Variants in BAZ2A observed in about 807,000 individuals in gnomAD.
BAZ2A encodes the protein bromodomain adjacent to zinc finger domain protein 2A.
A neutral mutation model predicts 199.9 loss-of-function variants in BAZ2A; 34 were observed. That is an observed-to-expected ratio of 0.17 (90% confidence interval 0.13 to 0.23). The LOEUF is 0.23. Ranked by LOEUF, BAZ2A falls within the 10% of genes least tolerant of loss-of-function variation. The pLI is 1.00. For missense variants in BAZ2A, 2,002 were observed against 2,391.1 expected (o/e 0.84, Z 3.39); for synonymous variants, 857 against 883.9 (o/e 0.97, Z 0.54).
chr12:56,604,950 A>C, intron 14 of BAZ2A, 123 bp downstream of exon 14: 1 of 1,402,730 alleles, frequency 7.1e-7, no homozygotes, highest in Non-Finnish European at 9.5e-7. Context: ...AAAATAAAGA[A>C]AAATAAAATA....
chr12:56,611,275 A>T (rs1339522298), intron 7 of BAZ2A: 4 of 491,358 alleles, frequency 8.1e-6, no homozygotes, highest in Non-Finnish European at 1.5e-5. Flanking sequence ...AGGACAAGCC[A>T]GCTGGTTTGG....
chr12:56,635,066 T>C, upstream of BAZ2A: 1 of 981,602 alleles, frequency 1.0e-6, no homozygotes, highest in Non-Finnish European at 1.2e-6. This position sits in a 1 kb window ranked among gnomAD's most constrained non-coding sequence, Gnocchi z 4.1. Context: ...GAGGAGGTGG[T>C]GCTTAAAGGG....
Position 56,603,708 on chromosome 12 carries a change from T to C in BAZ2A, c.3039-8A>G, listed in dbSNP as rs1245935905. The stretch of plus-strand genomic sequence containing the variant: ...GCCAGAACAGTTTTCAGCCTTGAAA[T>C]AGATGGAGAAAGATTAAGGGAAGGC... On this transcript the variant is annotated splice_region_variant and splice_polypyrimidine_tract_variant and intron_variant, in intron 16 of 28. Coordinates refer to ENST00000549884, the MANE Select transcript of BAZ2A (RefSeq NM_001300905.2). 17 of 1,613,606 alleles carry C rather than the reference T, an allele frequency of 1.1e-5. No individual in the cohort carries two copies. The East Asian group carries it at 2.2e-4, about 21-fold the overall frequency.
At position 56,603,571 on chromosome 12, in the gene BAZ2A, T is replaced by C. The variant is rs1247915882; in HGVS notation, c.3168A>G (p.Glu1056=). Residue 1056 remains glutamate (E), a synonymous_variant, in exon 17 of 29, where the codon GAA becomes GAG. Coordinates refer to ENST00000549884, the MANE Select transcript of BAZ2A (RefSeq NM_001300905.2). The part of the protein sequence containing the change: ...EETSGMEEEE[E]EESIAAVPGR... ...CAGGGACAGCTGCTATAGACTCCTC[T>C]TCTTCCTCTTCTTCCATGCCACTGG... The C allele has an allele frequency of 1.2e-6, 2 of 1,613,978 alleles. No individual in the cohort carries two copies. Among genetic ancestry groups the C allele is most frequent in the African/African-American group, 1.3e-5 (1 of 75,046 alleles).
chr12:56,635,258 G>A (rs1951420947), upstream of BAZ2A, among the ~76,000 whole-genome samples: 6 of 152,092 alleles, frequency 3.9e-5, no homozygotes. The surrounding 1 kb of genome is among the most constrained non-coding windows in gnomAD (Gnocchi z 4.1). Context: ...ATGGTGGTAG[G>A]TCCGAAAGGA....
intron 1 of BAZ2A, among the ~76,000 whole-genome samples, chr12:56,622,542 T>C (rs1159603782): frequency 6.6e-6 from 1 of 152,134 alleles, no homozygotes; most frequent in Non-Finnish European, 1.5e-5. Flanking sequence ...CCTAGGTTTA[T>C]TTCATTTTAA....
At chr12:56,608,712 G>A (rs1490658869) in intron 10 of BAZ2A, among the ~76,000 whole-genome samples, 1 of 151,662 alleles carries the variant, frequency 6.6e-6, no homozygotes, top group African/African-American at 2.4e-5. Flanking sequence ...TGGGATTACA[G>A]GCATGCGCCA....
chr12:56,599,038 C>G, intron 27 of BAZ2A, 27 bp from the exon 28 acceptor site: 1 of 1,608,078 alleles, frequency 6.2e-7, no homozygotes, highest in Non-Finnish European at 8.5e-7. Context: ...AATGATGGCT[C>G]CATCTCAGGA....
intron 1 of BAZ2A, among the ~76,000 whole-genome samples, chr12:56,620,680 C>T (rs1950892146): frequency 6.6e-6 from 1 of 151,870 alleles, no homozygotes; most frequent in South Asian, 2.1e-4. Flanking sequence ...CTGCCTCAGC[C>T]TCCCCAGCAG....
chr12:56,630,009 G>A, intron 1 of BAZ2A, 116 bp downstream of exon 1: 4 of 777,264 alleles, frequency 5.1e-6, no homozygotes, highest in Non-Finnish European at 6.3e-6. Flanking sequence ...AGCTCCCGTC[G>A]GCTTCCCGCC....
At chr12:56,636,051 C>G (rs1951441342) in intron 1 of BAZ2A, 1 of 1,153,738 alleles carries the variant, frequency 8.7e-7, no homozygotes, top group Non-Finnish European at 1.2e-6. Flanking sequence ...CTGTGCCCCC[C>G]GTCCCCCAGA....
rs1434061612 is a variant in BAZ2A at position 56,597,584 on chromosome 12, C to CACACACACACACACA, written c.*1033_*1034insTGTGTGTGTGTGTGT. 4.9e-5 allele frequency: 1 copy of CACACACACACACACA among 20,456 alleles called. No homozygotes were observed. The highest frequency in any genetic ancestry group is 1.9e-4 in the Non-Finnish European group (1 of 5,354). 1.3% of individuals were successfully genotyped at this position (20,456 alleles called of 1,614,324 possible). A position where few individuals can be genotyped will look rare whatever the true frequency, so the allele number is the denominator to read the frequency against. On this transcript the variant is annotated 3_prime_UTR_variant, in exon 29 of 29. Coordinates refer to ENST00000549884, the MANE Select transcript of BAZ2A (RefSeq NM_001300905.2). ...CACGCACACACACACACACACACAG[C>CACACACACACACACA]GCGCGCTCTGAGGCTGACACACACA...
exon 1 of BAZ2A, chr12:56,636,267 G>C: frequency 1.3e-6 from 2 of 1,553,002 alleles, no homozygotes; most frequent in South Asian, 2.4e-5. Context: ...GGTTGGTGTT[G>C]GATCCTCCCA....
intron 1 of BAZ2A, 181 bp downstream of exon 1, chr12:56,629,944 C>T (rs1455226064): frequency 2.7e-6 from 1 of 366,962 alleles, no homozygotes; most frequent in Non-Finnish European, 3.8e-6. Context: ...CTGTTCTCCT[C>T]CCAGACCCCA....
At chr12:56,628,142 A>AC (rs1351471545) in intron 1 of BAZ2A, among the ~76,000 whole-genome samples, 2 of 135,520 alleles carry the variant, frequency 1.5e-5, no homozygotes, top group East Asian at 2.2e-4. Context: ...AGATCACACC[A>AC]CTCCAGCCTG....
intron 1 of BAZ2A, 119 bp downstream of exon 1, chr12:56,630,006 G>A (rs1951252417): frequency 2.1e-5 from 16 of 762,334 alleles, no homozygotes; most frequent in Non-Finnish European, 2.1e-5. Context: ...ATAAGCTCCC[G>A]TCGGCTTCCC....
chr12:56,623,225 G>C (rs1950978410), intron 1 of BAZ2A, among the ~76,000 whole-genome samples: 1 of 150,324 alleles, frequency 6.7e-6, no homozygotes. Flanking sequence ...GACAGAGCGA[G>C]ACTCCATCTC....
intron 1 of BAZ2A, among the ~76,000 whole-genome samples, chr12:56,629,014 TTGA>T (rs1951202332): frequency 1.3e-5 from 2 of 151,818 alleles, no homozygotes; most frequent in Admixed American, 1.3e-4. Context: ...CTACTTCCAG[TTGA>T]CAAGTTTACA....
intron 1 of BAZ2A, among the ~76,000 whole-genome samples, chr12:56,620,503 AAAAAC>A (rs1160114543): frequency 5.3e-5 from 8 of 151,926 alleles, no homozygotes; most frequent in South Asian, 2.1e-4. Flanking sequence ...CCTGTCTCAA[AAAAAC>A]AAAACAAAAC....
Sources: allele counts gnomAD v4.1 joint callset (sites outside exome capture counted in the v4.1 genomes callset), GRCh38; gene constraint gnomAD v4.1.1; non-coding constraint Gnocchi (gnomAD v3.1); transcripts MANE v1.5; gene names NCBI Gene and HGNC (gene_info 2026-07-23, HGNC 2026-07-21).